Variants in DOCK3 observed in about 807,000 individuals in gnomAD.
The protein encoded by DOCK3 is dedicator of cytokinesis protein 3.
Under a neutral mutation model 265.6 loss-of-function variants are expected in DOCK3, and 60 were observed. The observed-to-expected ratio is 0.23, with a 90% CI of 0.18 to 0.28. The LOEUF is 0.28. Among genes scored for constraint, DOCK3 ranks in the 10% least tolerant of loss-of-function variants. The pLI is 1.00. For missense variants in DOCK3, 1,981 were observed against 2,594.3 expected (o/e 0.76, Z 5.14); for synonymous variants, 881 against 938.0 (o/e 0.94, Z 1.11).
At chr3:50,704,533 T>G (rs1479965537) in intron 1 of DOCK3, among the ~76,000 whole-genome samples, 5 of 152,236 alleles carry the variant, frequency 3.3e-5, no homozygotes, top group South Asian at 2.1e-4. Context: ...TTACTATAAT[T>G]ACTCCAGTAT....
Position 51,381,650 on chromosome 3 carries a change from G to A in DOCK3, c.*91G>A. 2 of 1,428,974 alleles carry A rather than the reference G, an allele frequency of 1.4e-6. No homozygotes were observed. The highest frequency in any genetic ancestry group is 1.4e-5 in the African/African-American group (1 of 69,642). 88.5% of individuals were successfully genotyped at this position (1,428,974 alleles called of 1,614,324 possible). ...AGCAAGTCCCCCAGCCCCACCCCAGGGAGCCAGAGAGGCTTGCACTCAGGA... is the reference window on the plus strand; with the variant it reads ...AGCAAGTCCCCCAGCCCCACCCCAGAGAGCCAGAGAGGCTTGCACTCAGGA... On this transcript the variant is annotated 3_prime_UTR_variant, in exon 53 of 53. Coordinates refer to ENST00000266037, the MANE Select transcript of DOCK3 (RefSeq NM_004947.5). This position sits in a 1 kb window ranked among gnomAD's most constrained non-coding sequence, Gnocchi z 5.6.
chr3:51,047,324 G>A (rs887586556), intron 5 of DOCK3, among the ~76,000 whole-genome samples: 1 of 151,514 alleles, frequency 6.6e-6, no homozygotes, highest in Non-Finnish European at 1.5e-5. Flanking sequence ...GTTAATGGGT[G>A]CAGCACACCA....
chr3:50,851,910 C>T (rs868309394), intron 3 of DOCK3, among the ~76,000 whole-genome samples: 2 of 152,212 alleles, frequency 1.3e-5, no homozygotes, highest in Non-Finnish European at 2.9e-5. Flanking sequence ...GGATTAAAAA[C>T]GACATTCTGC....
At chr3:51,082,116 C>T (rs1178341867) in intron 7 of DOCK3, among the ~76,000 whole-genome samples, 3 of 151,992 alleles carry the variant, frequency 2.0e-5, no homozygotes, top group Non-Finnish European at 4.4e-5. Flanking sequence ...CCAGGATAAG[C>T]TTGGAGCTAG....
At chr3:50,922,385 G>C (rs549284292) in intron 4 of DOCK3, among the ~76,000 whole-genome samples, 145 of 152,346 alleles carry the variant, frequency 9.5e-4, no homozygotes, top group African/African-American at 3.3e-3. Context: ...CTGGTGTGCT[G>C]TTTGCTAAGA....
chr3:51,375,364 G>A (rs2088022783), intron 50 of DOCK3, among the ~76,000 whole-genome samples: 2 of 152,214 alleles, frequency 1.3e-5, no homozygotes, highest in South Asian at 2.1e-4. Context: ...GCATGGGCCT[G>A]TGCAGGGCCT....
At chr3:50,810,833 GGAAA>G (rs1236719749) in intron 2 of DOCK3, among the ~76,000 whole-genome samples, 4 of 152,134 alleles carry the variant, frequency 2.6e-5, no homozygotes, top group Admixed American at 2.0e-4. Context: ...AGGATTGACT[GGAAA>G]GAAGTATGAG....
intron 9 of DOCK3, among the ~76,000 whole-genome samples, chr3:51,124,589 T>C (rs1462921579): frequency 6.6e-6 from 1 of 152,136 alleles, no homozygotes; most frequent in Non-Finnish European, 1.5e-5. Flanking sequence ...AGAAGAAAAT[T>C]AAGAGAGTTC....
chr3:51,072,918 G>A (rs904027009), intron 6 of DOCK3, among the ~76,000 whole-genome samples: 7 of 150,954 alleles, frequency 4.6e-5, no homozygotes, highest in African/African-American at 1.7e-4. Flanking sequence ...GAGTTGCCCA[G>A]GCTGGTCTCA....
chr3:50,955,233 G>A (rs886458204), intron 5 of DOCK3, among the ~76,000 whole-genome samples: 4 of 152,192 alleles, frequency 2.6e-5, no homozygotes, highest in Admixed American at 6.5e-5. Context: ...CACACTGTTG[G>A]TGGGAGTGTA....
intron 1 of DOCK3, among the ~76,000 whole-genome samples, chr3:50,738,280 C>G (rs1576291812): frequency 6.6e-6 from 1 of 152,246 alleles, no homozygotes; most frequent in Middle Eastern, 3.4e-3. Context: ...GGAAGTCAGC[C>G]TGGTGCTGGA....
intron 40 of DOCK3, among the ~76,000 whole-genome samples, chr3:51,353,714 G>C (rs1227499442): frequency 6.6e-6 from 1 of 152,230 alleles, no homozygotes; most frequent in African/African-American, 2.4e-5. Flanking sequence ...ATTTCAAGAA[G>C]ATCAGGGTCT....
chr3:50,698,518 T>G (rs868550456), intron 1 of DOCK3, among the ~76,000 whole-genome samples: 4 of 77,516 alleles, frequency 5.2e-5, no homozygotes, highest in African/African-American at 1.2e-4. Context: ...ATGTTTTTGG[T>G]TTTTTTTTTT....
At chr3:50,719,861 CAG>C (rs750761829) in intron 1 of DOCK3, 25 of 697,440 alleles carry the variant, frequency 3.6e-5, no homozygotes, top group Non-Finnish European at 6.3e-5. Flanking sequence ...TTCCAGTGCT[CAG>C]AGCATGAAGT....
At chr3:51,358,168 AG>A in intron 46 of DOCK3, 91 bp downstream of exon 46, 1 of 1,362,388 alleles carries the variant, frequency 7.3e-7, no homozygotes, top group South Asian at 1.2e-5. Flanking sequence ...AATAGGAGAG[AG>A]GGAGCCTGGG....
At chr3:51,275,470 C>G (rs2080767393) in intron 25 of DOCK3, among the ~76,000 whole-genome samples, 1 of 152,220 alleles carries the variant, frequency 6.6e-6, no homozygotes, top group African/African-American at 2.4e-5. Flanking sequence ...AAGCCCAATT[C>G]TGTGTCATGC....
At chr3:50,991,240 A>C (rs2078092507) in intron 5 of DOCK3, among the ~76,000 whole-genome samples, 1 of 152,192 alleles carries the variant, frequency 6.6e-6, no homozygotes, top group Non-Finnish European at 1.5e-5. Flanking sequence ...TCAAATCCAC[A>C]CATATCAATA....
At chr3:50,817,384 C>T (rs2044147060) in intron 2 of DOCK3, among the ~76,000 whole-genome samples, 1 of 152,168 alleles carries the variant, frequency 6.6e-6, no homozygotes, top group South Asian at 2.1e-4. Flanking sequence ...CTCAACCTCC[C>T]AGGCTCAAGC....
chr3:51,225,726 A>G lies in DOCK3; in HGVS notation c.1330A>G (p.Ile444Val), dbSNP rs753414404. The G allele has an allele frequency of 1.9e-6, 3 of 1,613,374 alleles. No homozygotes were observed. Among genetic ancestry groups the G allele is most frequent in the Admixed American group, 1.7e-5 (1 of 59,966 alleles). ...ERGGKSVQKN[I>V]EVTMYVLYAD... is the part of the protein sequence containing the mutation. ...AGGAGGAAAGAGTGTACAAAAGAAT[A>G]TTGAAGTGACCATGTATGTGCTTTA... The change falls in exon 15 of 53, where the codon ATT becomes GTT. Residue 444 changes from isoleucine (I) to valine (V), a missense_variant. Ile to Val is a conservative substitution (Grantham distance 29). Transcript: ENST00000266037.
Sources: allele counts gnomAD v4.1 joint callset (sites outside exome capture counted in the v4.1 genomes callset), GRCh38; gene constraint gnomAD v4.1.1; non-coding constraint Gnocchi (gnomAD v3.1); transcripts MANE v1.5; gene names NCBI Gene and HGNC (gene_info 2026-07-23, HGNC 2026-07-21).